VPS13A: variants seen among roughly 807,000 people sequenced by gnomAD.
VPS13A encodes vacuolar protein sorting 13 homolog A.
Under a neutral mutation model 390.9 loss-of-function variants are expected in VPS13A, and 264 were observed. The observed-to-expected ratio is 0.68, with a 90% CI of 0.61 to 0.75. VPS13A has a LOEUF of 0.75. Ranked by LOEUF, VPS13A falls within the 30% of genes least tolerant of loss-of-function variation. The probability of loss-of-function intolerance (pLI) is 0.00; values close to 1 mark genes in which losing one functional copy is unlikely to be tolerated. For missense variants in VPS13A, 3,409 were observed against 3,733.9 expected, an observed-to-expected ratio of 0.91 and a Z score of 2.27; for synonymous variants, 1,231 against 1,227.1, an observed-to-expected ratio of 1.00 and a Z score of -0.07.
At chr9:77,384,467 A>G in intron 68 of VPS13A, 2 of 1,450,958 alleles carry the variant, frequency 1.4e-6, no homozygotes, top group East Asian at 2.3e-5. Flanking sequence ...CATAGCTGAA[A>G]AAATCTGCTT....
At position 77,295,562 on chromosome 9, in the gene VPS13A, G is replaced by A; in HGVS notation, c.3528G>A (p.Gln1176=). ...YSILAFIDNF[Q]AAKQALAEAT... ...TACAGGCTTTTATAGATAATTTTCA[G>A]GCAGCTAAACAAGCCTTGGCTGAGG... The change falls in exon 33 of 72, where the codon CAG becomes CAA. Residue 1176 remains glutamine (Q), a synonymous_variant. Coordinates refer to ENST00000360280, the MANE Select transcript of VPS13A (RefSeq NM_033305.3). The A allele has an allele frequency of 6.2e-7, 1 of 1,607,010 alleles. No homozygotes were observed. The highest frequency in any genetic ancestry group is 8.5e-7 in the Non-Finnish European group (1 of 1,175,266).
intron 6 of VPS13A, 81 bp from the exon 7 acceptor site, chr9:77,210,535 C>A: frequency 7.2e-7 from 1 of 1,384,740 alleles, no homozygotes; most frequent in Non-Finnish European, 1.0e-6. Flanking sequence ...GGAGCCGCTG[C>A]ACATTGACAG....
chr9:77,302,689 A>G (rs532170101), intron 33 of VPS13A, among the ~76,000 whole-genome samples: 21 of 152,230 alleles, frequency 1.4e-4, no homozygotes, highest in South Asian at 4.1e-4. Context: ...TCTGTATAAT[A>G]TAGAACACTC....
At chr9:77,263,107 C>A (rs1484454880) in intron 23 of VPS13A, among the ~76,000 whole-genome samples, 1 of 139,362 alleles carries the variant, frequency 7.2e-6, no homozygotes, top group Admixed American at 7.2e-5. Flanking sequence ...TGTTTCCCAA[C>A]TTTTTTTTTT....
intron 17 of VPS13A, among the ~76,000 whole-genome samples, 187 bp downstream of exon 17, chr9:77,228,451 T>C (rs1323640402): frequency 1.3e-5 from 2 of 152,054 alleles, no homozygotes; most frequent in Non-Finnish European, 2.9e-5. Flanking sequence ...CACATTCCAG[T>C]GAAACATAGG....
intron 62 of VPS13A, 65 bp downstream of exon 62, chr9:77,368,201 T>A (rs1030495424): frequency 7.7e-7 from 1 of 1,306,650 alleles, no homozygotes; most frequent in Non-Finnish European, 1.1e-6. Context: ...TTTGTGTCTA[T>A]ACATATATAA....
At chr9:77,239,293 A>ATGTT (rs568420591) in intron 19 of VPS13A, among the ~76,000 whole-genome samples, 212 of 152,184 alleles carry the variant, frequency 1.4e-3, no homozygotes, top group African/African-American at 4.8e-3. Flanking sequence ...CCTGGCCAAC[A>ATGTT]TGGCAAAATC....
chr9:77,372,959 C>G (rs1263819410), intron 67 of VPS13A, among the ~76,000 whole-genome samples: 1 of 151,936 alleles, frequency 6.6e-6, no homozygotes, highest in Admixed American at 6.6e-5. Flanking sequence ...AGGAGAACTA[C>G]AAACCACTGC....
chr9:77,235,118 A>G (rs1824068976), intron 17 of VPS13A, among the ~76,000 whole-genome samples: 1 of 152,216 alleles, frequency 6.6e-6, no homozygotes, highest in South Asian at 2.1e-4. Context: ...TTATTTGCTT[A>G]TGTAGTTACA....
At chr9:77,184,242 A>G (rs1824193903) in intron 1 of VPS13A, among the ~76,000 whole-genome samples, 1 of 152,224 alleles carries the variant, frequency 6.6e-6, no homozygotes, top group Non-Finnish European at 1.5e-5. Flanking sequence ...CCTCATCTTC[A>G]GAGGCAACAA....
intron 68 of VPS13A, among the ~76,000 whole-genome samples, chr9:77,387,440 T>G (rs1833736832): frequency 6.6e-6 from 1 of 152,212 alleles, no homozygotes; most frequent in Admixed American, 6.5e-5. Context: ...ATTGCTTATG[T>G]ATAGAAAATG....
chr9:77,303,098 G>T (rs773212055), intron 34 of VPS13A, 36 bp downstream of exon 34: 1 of 1,612,554 alleles, frequency 6.2e-7, no homozygotes, highest in Non-Finnish European at 8.5e-7. Flanking sequence ...TTTTTGTTTT[G>T]CTTGTTGAAA....
At chr9:77,179,142 G>C (rs574429133) in intron 1 of VPS13A, among the ~76,000 whole-genome samples, 3 of 152,316 alleles carry the variant, frequency 2.0e-5, no homozygotes, top group African/African-American at 7.2e-5. Flanking sequence ...AAGAATACTT[G>C]AGGTGAACTT....
At chr9:77,379,783 T>G (rs1188000462) in intron 67 of VPS13A, among the ~76,000 whole-genome samples, 2 of 152,246 alleles carry the variant, frequency 1.3e-5, no homozygotes, top group Non-Finnish European at 2.9e-5. Flanking sequence ...TAGCTAATAC[T>G]GAATAATGTT....
At chr9:77,258,902 T>C (rs1369223285) in intron 22 of VPS13A, among the ~76,000 whole-genome samples, 6 of 152,068 alleles carry the variant, frequency 3.9e-5, no homozygotes, top group Non-Finnish European at 7.4e-5. Context: ...AGGTGATATT[T>C]CTCTGAGGGA....
rs753293885 is a variant in VPS13A at position 77,340,212 on chromosome 9, A to G, written c.6809A>G (p.Asn2270Ser). The change falls in exon 49 of 72, where the codon AAT (asparagine) becomes AGT (serine). Residue 2270 changes from asparagine to serine, a missense_variant. Asn to Ser is a conservative substitution (Grantham distance 46, BLOSUM62 1). This residue lies in a region of VPS13A where 2,717 missense variants were observed against 2,917.4 expected (regional missense o/e 0.93). Transcript: ENST00000360280. The part of the protein sequence containing the change: ...QLMVTDSELS[N>S]QFSIDTVGSH... The stretch of plus-strand genomic sequence containing the variant: ...ATGGTAACTGATAGTGAGTTGTCCA[A>G]TCAGTTTTCAATTGATACTGTTGGT... 15 of 1,613,208 alleles carry G rather than the reference A, an allele frequency of 9.3e-6. No individual in the cohort carries two copies. The highest frequency in any genetic ancestry group is 6.7e-5 in the East Asian group (3 of 44,752).
intron 17 of VPS13A, among the ~76,000 whole-genome samples, chr9:77,235,977 C>T (rs1824121194): frequency 6.6e-6 from 1 of 152,140 alleles, no homozygotes; most frequent in Admixed American, 6.5e-5. Context: ...GAATAAATTA[C>T]ATAAGCTATT....
chr9:77,345,207 T>G (rs764215578), intron 52 of VPS13A, 65 bp downstream of exon 52: 18 of 1,542,364 alleles, frequency 1.2e-5, no homozygotes, highest in Middle Eastern at 1.7e-4. Context: ...CACAGTTTTT[T>G]TTGATAATTT....
rs557142225 is a variant in VPS13A at position 77,216,733 on chromosome 9, A to G, written c.754+2347A>G. Among the ~76,000 whole-genome samples the G allele has an allele frequency of 7.9e-5, 12 of 152,348 alleles. 1 individual carries two copies. In the South Asian group the frequency reaches 1.7e-3, roughly 21 times the overall value. ...AGTTTATTAAGGAGTATTGACTCAC[A>G]TGATCACAAGGTGAGATCCCTTAAA... On this transcript the variant is annotated intron_variant, in intron 10 of 71. Transcript: ENST00000360280.
Sources: gnomAD v4.1 joint callset for allele counts (sites outside exome capture counted in the v4.1 genomes callset) on GRCh38, gnomAD v4.1.1 for gene constraint, gnomAD v4.1.1 regional missense constraint, MANE v1.5 for transcripts, NCBI Gene and HGNC (gene_info 2026-07-23, HGNC 2026-07-21) for gene names.